The following HSF2BP variants were observed in gnomAD, a reference collection of about 807,000 sequenced individuals.
HSF2BP encodes heat shock transcription factor 2 binding protein.
In HSF2BP, 35 loss-of-function variants were observed where a neutral mutation model predicts 35.0. The ratio of observed to expected loss-of-function variants is 1.00; its 90% CI spans 0.76 to 1.32. The LOEUF (loss-of-function observed/expected upper bound fraction) is 1.32, where lower values mean the gene tolerates loss of function less well. Ranked by LOEUF, HSF2BP falls within the 40% of genes most tolerant of loss-of-function variation. The pLI is 0.00. For missense variants in HSF2BP, 326 were observed against 321.7 expected, an observed-to-expected ratio of 1.01 and a Z score of -0.10; for synonymous variants, 114 against 117.4, an observed-to-expected ratio of 0.97 and a Z score of 0.18.
rs558684720 is a variant in HSF2BP at position 43,599,488 on chromosome 21, T to C, written c.693-7160A>G. 5.3e-5 allele frequency among the ~76,000 whole-genome samples: 8 copies of C among 152,356 alleles called. No individual in the cohort carries two copies. In the South Asian group the frequency reaches 8.3e-4, roughly 16 times the overall value. On this transcript the variant is annotated intron_variant, in intron 7 of 8. Coordinates refer to ENST00000291560, the MANE Select transcript of HSF2BP (RefSeq NM_007031.2). ...GCCCATTCATTTTACTCTTCTAGTATTGAAATATTAAATGTTATTTCTTGG... is the reference window on the plus strand; with the variant it reads ...GCCCATTCATTTTACTCTTCTAGTACTGAAATATTAAATGTTATTTCTTGG...
In HSF2BP at chr21:43,658,205, G is replaced by C; in HGVS notation, c.-109C>G. 1 of 1,293,144 alleles carries C rather than the reference G, an allele frequency of 7.7e-7. No individual in the cohort carries two copies. The highest frequency in any genetic ancestry group is 1.0e-6 in the Non-Finnish European group (1 of 972,488). 80.1% of individuals were successfully genotyped at this position (1,293,144 alleles called of 1,614,324 possible). A position where few individuals can be genotyped will look rare whatever the true frequency, so the allele number is the denominator to read the frequency against. On this transcript the variant is annotated 5_prime_UTR_variant, in exon 2 of 9. Transcript: ENST00000291560. The stretch of plus-strand genomic sequence containing the variant: ...CGCCGGGGGTCGGGAACGGAGAGCC[G>C]CCAGGCCCAAACCTCCCAGAATTTG...
At position 43,592,158 on chromosome 21, in the gene HSF2BP, C is replaced by T. The variant is rs574821176; in HGVS notation, c.796+67G>A. 15 of 1,010,688 alleles carry T rather than the reference C, an allele frequency of 1.5e-5. No homozygotes were observed. The South Asian group carries it at 1.8e-4, about 12-fold the overall frequency. The allele number at this position is 1,010,688 out of a possible 1,614,324, so 62.6% of individuals were successfully genotyped here. A position where few individuals can be genotyped will look rare whatever the true frequency, so the allele number is the denominator to read the frequency against. ...CTACTAGGAAACTTGGAACGTATGC[C>T]CCGTGGATAAGGGAGGACTACTGCA... On this transcript the variant is annotated intron_variant, in intron 8 of 8. Transcript: ENST00000291560.
the HSF2BP span, among the ~76,000 whole-genome samples, chr21:43,505,836 G>A: frequency 8.5e-5 from 11 of 128,810 alleles, 2 homozygotes; most frequent in African/African-American, 3.3e-4. Context: ...ACTGAGAAAT[G>A]CCTGCCAGTC....
chr21:43,631,964 C>CA (rs2082465103), intron 5 of HSF2BP, among the ~76,000 whole-genome samples: 1 of 19,826 alleles, frequency 5.0e-5, no homozygotes, highest in Non-Finnish European at 8.7e-5. Flanking sequence ...CACACACACT[C>CA]CCCCCCCACA....
chr21:43,621,230 A>T (rs755824122), intron 6 of HSF2BP, among the ~76,000 whole-genome samples: 23 of 152,352 alleles, frequency 1.5e-4, no homozygotes, highest in Middle Eastern at 6.8e-3. Flanking sequence ...TTCTCAACAG[A>T]AACTATACAA....
chr21:43,634,543 G>A (rs1052198141), intron 4 of HSF2BP, among the ~76,000 whole-genome samples: 4 of 152,088 alleles, frequency 2.6e-5, no homozygotes, highest in African/African-American at 9.7e-5. Flanking sequence ...AAGTAGAGGG[G>A]GCTTTTCACC....
chr21:43,613,977 G>C, intron 6 of HSF2BP, 30 bp from the exon 7 acceptor site: 1 of 1,469,642 alleles, frequency 6.8e-7, no homozygotes, highest in Non-Finnish European at 9.5e-7. Context: ...AAAACATCAA[G>C]ATCATTATGA....
At chr21:43,640,702 G>C (rs1026208355) in intron 4 of HSF2BP, among the ~76,000 whole-genome samples, 1 of 151,902 alleles carries the variant, frequency 6.6e-6, no homozygotes, top group Non-Finnish European at 1.5e-5. Flanking sequence ...GAAGGGTATA[G>C]ATAACTTCCC....
chr21:43,587,359 T>G (rs1053570676), intron 8 of HSF2BP, among the ~76,000 whole-genome samples: 1 of 152,166 alleles, frequency 6.6e-6, no homozygotes, highest in Non-Finnish European at 1.5e-5. Context: ...CAGTAATTAT[T>G]TTCACGGATA....
chr21:43,618,936 C>T (rs949571664), intron 6 of HSF2BP, among the ~76,000 whole-genome samples: 1 of 150,966 alleles, frequency 6.6e-6, no homozygotes, highest in South Asian at 2.1e-4. Context: ...CAGAGCAAGA[C>T]TCCGTCTCAA....
intron 7 of HSF2BP, among the ~76,000 whole-genome samples, chr21:43,612,757 G>C (rs951804831): frequency 6.6e-6 from 1 of 151,870 alleles, no homozygotes; most frequent in African/African-American, 2.4e-5. Flanking sequence ...TGAACGCCTA[G>C]GAGTTTGAGG....
intron 7 of HSF2BP, among the ~76,000 whole-genome samples, chr21:43,593,992 C>T (rs1312371450): frequency 6.6e-6 from 1 of 152,108 alleles, no homozygotes. Context: ...ACACACATCA[C>T]AATCAAACTT....
At chr21:43,505,446 C>T in the HSF2BP span, among the ~76,000 whole-genome samples, 3 of 100,004 alleles carry the variant, frequency 3.0e-5, 1 homozygote, top group Non-Finnish European at 5.7e-5. Flanking sequence ...GGGGTTTCCG[C>T]GTGCAGCACG....
At chr21:43,577,167 T>C (rs2081654296) in intron 8 of HSF2BP, among the ~76,000 whole-genome samples, 1 of 152,196 alleles carries the variant, frequency 6.6e-6, no homozygotes, top group Non-Finnish European at 1.5e-5. Flanking sequence ...ACCTCTTTAT[T>C]TGCATTTGGT....
chr21:43,622,970 CTT>C lies in HSF2BP; in HGVS notation c.574+7350_574+7351del, dbSNP rs34892715. On this transcript the variant is annotated intron_variant, in intron 6 of 8. Coordinates refer to ENST00000291560, the MANE Select transcript of HSF2BP (RefSeq NM_007031.2). ...CAAAAAGTAGAATCATATCAAACAG[CTT>C]TTTTTTTTTTTTCGTAGAGATAGGA... is the stretch of plus-strand genomic sequence containing the variant. 9.4e-3 allele frequency among the ~76,000 whole-genome samples: 1,377 copies of C among 146,462 alleles called. 21 individuals carry two copies. The highest frequency in any genetic ancestry group is 0.026 in the African/African-American group (1,055 of 39,930).
At chr21:43,653,215 G>GGGGAA (rs1209166970) in intron 3 of HSF2BP, among the ~76,000 whole-genome samples, 10 of 135,904 alleles carry the variant, frequency 7.4e-5, no homozygotes, top group Non-Finnish European at 1.4e-4. Flanking sequence ...GGGAAGGGAA[G>GGGGAA]GGGAAGGGAA....
chr21:43,625,885 C>T (rs2082383854), intron 6 of HSF2BP, among the ~76,000 whole-genome samples: 1 of 152,216 alleles, frequency 6.6e-6, no homozygotes. Context: ...CACTCACAGC[C>T]CACTGCCTCA....
chr21:43,468,062 CCAT>C, the HSF2BP span, among the ~76,000 whole-genome samples: 5 of 134,084 alleles, frequency 3.7e-5, no homozygotes, highest in Non-Finnish European at 6.5e-5. Flanking sequence ...ACCACACACA[CCAT>C]ACCACAAACC....
chr21:43,588,159 C>T (rs2081880207), intron 8 of HSF2BP, among the ~76,000 whole-genome samples: 1 of 152,144 alleles, frequency 6.6e-6, no homozygotes, highest in African/African-American at 2.4e-5. Context: ...GGGTGGATCA[C>T]CTGAGGTCAG....
Sources: gnomAD v4.1 joint callset for allele counts (sites outside exome capture counted in the v4.1 genomes callset) on GRCh38, gnomAD v4.1.1 for gene constraint, MANE v1.5 for transcripts, NCBI Gene and HGNC (gene_info 2026-07-23, HGNC 2026-07-21) for gene names.